The following THSD7B variants were observed in gnomAD, a reference collection of about 807,000 sequenced individuals.
The protein encoded by THSD7B is thrombospondin type-1 domain-containing protein 7B.
THSD7B carries 138 observed loss-of-function variants against 213.6 expected under a neutral mutation model. The ratio of observed to expected loss-of-function variants is 0.65; its 90% confidence interval spans 0.56 to 0.74. THSD7B has a LOEUF of 0.74. Ranked by LOEUF, THSD7B falls within the 30% of genes least tolerant of loss-of-function variation. The probability of loss-of-function intolerance (pLI) is 0.00; values close to 1 mark genes in which losing one functional copy is unlikely to be tolerated. For missense variants in THSD7B, 1,931 were observed against 1,991.5 expected (o/e 0.97, Z 0.58); for synonymous variants, 742 against 687.0 (o/e 1.08, Z -1.25).
chr2:137,614,043 A>C (rs775375280), intron 17 of THSD7B, among the ~76,000 whole-genome samples: 3 of 152,134 alleles, frequency 2.0e-5, no homozygotes, highest in Non-Finnish European at 2.9e-5. Flanking sequence ...AATCACGTTC[A>C]TGGATTTCAG....
chr2:137,441,604 G>A (rs1375806637), intron 14 of THSD7B, among the ~76,000 whole-genome samples: 1 of 152,058 alleles, frequency 6.6e-6, no homozygotes, highest in East Asian at 1.9e-4. Flanking sequence ...TTAGAAGGAA[G>A]AAATTGGAAA....
At chr2:137,481,472 T>A (rs1435196736) in intron 15 of THSD7B, among the ~76,000 whole-genome samples, 3 of 152,210 alleles carry the variant, frequency 2.0e-5, no homozygotes, top group African/African-American at 4.8e-5. Context: ...TTTTAGAAAG[T>A]TGTCATCTGA....
intron 19 of THSD7B, 117 bp downstream of exon 19, chr2:137,618,624 T>A (rs1373670000): frequency 1.1e-6 from 1 of 926,216 alleles, no homozygotes; most frequent in Non-Finnish European, 1.6e-6. Flanking sequence ...TCAGCTTAGG[T>A]TCAGTTAGAG....
chr2:137,537,951 C>T (rs888071313), intron 15 of THSD7B, among the ~76,000 whole-genome samples: 2 of 151,500 alleles, frequency 1.3e-5, no homozygotes, highest in Admixed American at 6.6e-5. Context: ...AGTTCAAAAT[C>T]GAAGTTGTAG....
intron 3 of THSD7B, among the ~76,000 whole-genome samples, chr2:137,075,721 C>G (rs1190569973): frequency 6.6e-6 from 1 of 152,150 alleles, no homozygotes; most frequent in Non-Finnish European, 1.5e-5. Context: ...GTGGTTTTAT[C>G]TACCTTTGGT....
intron 7 of THSD7B, among the ~76,000 whole-genome samples, chr2:137,184,675 A>AT (rs1426150727): frequency 9.2e-5 from 14 of 152,296 alleles, no homozygotes; most frequent in African/African-American, 3.4e-4. Flanking sequence ...TCATATGTCT[A>AT]AGTCTATATC....
At chr2:137,272,862 G>C (rs986338327) in intron 11 of THSD7B, among the ~76,000 whole-genome samples, 200 bp downstream of exon 11, 1 of 151,852 alleles carries the variant, frequency 6.6e-6, no homozygotes, top group African/African-American at 2.4e-5. Context: ...TAATTAACAG[G>C]GGGAAAAGGA....
intron 1 of THSD7B, among the ~76,000 whole-genome samples, chr2:136,855,876 C>T (rs1683173864): frequency 6.6e-6 from 1 of 151,984 alleles, no homozygotes; most frequent in African/African-American, 2.4e-5. Context: ...CTCCTGTGGC[C>T]TTTGCAAACT....
chr2:137,155,195 G>A (rs983406973), intron 5 of THSD7B, among the ~76,000 whole-genome samples: 3 of 152,120 alleles, frequency 2.0e-5, no homozygotes, highest in African/African-American at 7.2e-5. Flanking sequence ...TTAACATTTT[G>A]TGACCATGAA....
intron 2 of THSD7B, among the ~76,000 whole-genome samples, chr2:136,956,601 C>CA (rs10676991): frequency 0.23 from 27,831 of 121,466 alleles, 2,951 homozygotes; most frequent in African/African-American, 0.32. Flanking sequence ...GACCCTGTCT[C>CA]AAAAAAAAAA....
At chr2:136,937,203 A>G (rs1189470897) in intron 2 of THSD7B, among the ~76,000 whole-genome samples, 1 of 151,840 alleles carries the variant, frequency 6.6e-6, no homozygotes, top group Non-Finnish European at 1.5e-5. Flanking sequence ...ATTTACTCAG[A>G]TTGGAATTCC....
intron 7 of THSD7B, among the ~76,000 whole-genome samples, chr2:137,196,543 G>C (rs753684126): frequency 4.6e-5 from 7 of 152,014 alleles, no homozygotes; most frequent in Admixed American, 2.6e-4. Context: ...GGGTGAATGA[G>C]TATAAGAAAA....
intron 12 of THSD7B, among the ~76,000 whole-genome samples, chr2:137,378,257 G>T (rs1298019736): frequency 6.6e-6 from 1 of 152,158 alleles, no homozygotes; most frequent in Non-Finnish European, 1.5e-5. Flanking sequence ...ATTTATGATG[G>T]TTTTCTTCAA....
intron 12 of THSD7B, among the ~76,000 whole-genome samples, chr2:137,285,719 T>C (rs1683156775): frequency 6.6e-6 from 1 of 152,058 alleles, no homozygotes; most frequent in Non-Finnish European, 1.5e-5. Flanking sequence ...TTTGCATGTA[T>C]TTACCATTTT....
At chr2:136,898,902 A>G (rs1214371053) in intron 2 of THSD7B, among the ~76,000 whole-genome samples, 1 of 151,948 alleles carries the variant, frequency 6.6e-6, no homozygotes, top group African/African-American at 2.4e-5. Context: ...CGGCCTCCCA[A>G]AGTGCTGGGA....
At chr2:137,053,395 G>T (rs1208520038) in intron 2 of THSD7B, among the ~76,000 whole-genome samples, 1 of 151,902 alleles carries the variant, frequency 6.6e-6, no homozygotes, top group Non-Finnish European at 1.5e-5. Context: ...AAAAAATTTT[G>T]CTGCTTGATG....
rs937381432 is a variant in THSD7B at position 137,598,882 on chromosome 2, T to C, written c.3424-17293T>C. On this transcript the variant is annotated intron_variant, in intron 17 of 27. Coordinates refer to ENST00000409968, the MANE Select transcript of THSD7B (RefSeq NM_001316349.2). ...TTTTATGTTTCATTTTGGTTCTTTTTTTTTTTTATTATTATTATACTTTAA... is the reference window on the plus strand; with the variant it reads ...TTTTATGTTTCATTTTGGTTCTTTTCTTTTTTTATTATTATTATACTTTAA... Among the ~76,000 whole-genome samples the C allele has an allele frequency of 4.7e-5, 7 of 148,280 alleles. No homozygotes were observed. The East Asian group carries it at 9.7e-4, about 21-fold the overall frequency.
At chr2:137,342,247 T>C (rs1374611472) in intron 12 of THSD7B, among the ~76,000 whole-genome samples, 1 of 151,644 alleles carries the variant, frequency 6.6e-6, no homozygotes, top group Admixed American at 6.6e-5. Context: ...CCAAATTTAT[T>C]TATTTTTTGT....
chr2:137,004,577 A>C (rs1686068021), intron 2 of THSD7B, among the ~76,000 whole-genome samples: 1 of 152,180 alleles, frequency 6.6e-6, no homozygotes, highest in Admixed American at 6.5e-5. Context: ...TTAGTCTTTC[A>C]AGAAAATTAT....
Sources: allele counts gnomAD v4.1 joint callset (sites outside exome capture counted in the v4.1 genomes callset), GRCh38; gene constraint gnomAD v4.1.1; transcripts MANE v1.5; gene names NCBI Gene and HGNC (gene_info 2026-07-23, HGNC 2026-07-21).